NUP210: variants seen among roughly 807,000 people sequenced by gnomAD.
NUP210 encodes the protein nuclear pore membrane glycoprotein 210.
In NUP210, 151 loss-of-function variants were observed where a neutral mutation model predicts 196.0. The ratio of observed to expected loss-of-function variants is 0.77; its 90% CI spans 0.67 to 0.88. NUP210 has a LOEUF of 0.88. Ranked by LOEUF, NUP210 falls within the 40% of genes least tolerant of loss-of-function variation. The pLI, the probability that NUP210 is intolerant of heterozygous loss-of-function variation, is 0.00. For missense variants in NUP210, 2,314 were observed against 2,493.7 expected (o/e 0.93, Z 1.53); for synonymous variants, 1,070 against 1,052.7 (o/e 1.02, Z -0.32).
At chr3:13,373,899 C>T in intron 11 of NUP210, 26 bp from the exon 12 acceptor site, 1 of 1,609,860 alleles carries the variant, frequency 6.2e-7, no homozygotes, top group South Asian at 1.1e-5. Context: ...CATCACAGGA[C>T]CAGCCACCCA....
intron 28 of NUP210, among the ~76,000 whole-genome samples, chr3:13,334,967 G>A (rs1422149621): frequency 2.6e-5 from 4 of 152,156 alleles, no homozygotes; most frequent in African/African-American, 7.2e-5. Flanking sequence ...GACCCTCCCC[G>A]CCTCAGGGGC....
rs760022114 is a variant in NUP210, at chr3:13,341,845, A to T, written c.3131T>A (p.Phe1044Tyr). Residue 1044 changes from phenylalanine to tyrosine, a missense_variant, in exon 23 of 40, where the codon TTC becomes TAC. Transcript: ENST00000254508. ...DEALDNYTITFLIRGVAIGQT... is the reference protein window; with the variant it reads ...DEALDNYTITYLIRGVAIGQT... ...GCCGATGGCCACACCGCGGATGAGGAATGTGATGGTGTAGTTGTCAAGGGC... is the reference window on the plus strand; with the variant it reads ...GCCGATGGCCACACCGCGGATGAGGTATGTGATGGTGTAGTTGTCAAGGGC... 4 of 1,614,140 alleles carry T rather than the reference A, an allele frequency of 2.5e-6. No homozygotes were observed. In the South Asian group the frequency reaches 4.4e-5, roughly 18 times the overall value.
chr3:13,361,904 T>C (rs1382426777), intron 14 of NUP210, among the ~76,000 whole-genome samples: 2 of 152,124 alleles, frequency 1.3e-5, no homozygotes, highest in Non-Finnish European at 2.9e-5. Flanking sequence ...TCGAAGAGGC[T>C]ACCCTCCTGT....
intron 12 of NUP210, 54 bp downstream of exon 12, chr3:13,373,664 G>C (rs1576394983): frequency 1.0e-5 from 16 of 1,588,318 alleles, no homozygotes; most frequent in Non-Finnish European, 1.3e-5. Context: ...AGAGGGGGCG[G>C]CTGGAGACCA....
chr3:13,319,349 T>G, intron 37 of NUP210, 24 bp from the exon 38 acceptor site: 666 of 1,579,512 alleles, frequency 4.2e-4, no homozygotes, highest in Non-Finnish European at 5.1e-4. Flanking sequence ...GAAGATGAGT[T>G]ACCAAAACCA....
chr3:13,330,586 C>T lies in NUP210; in HGVS notation c.3984G>A (p.Lys1328=). 1.2e-6 allele frequency: 2 copies of T among 1,614,224 alleles called. No homozygotes were observed. The highest frequency in any genetic ancestry group is 1.7e-6 in the Non-Finnish European group (2 of 1,180,040). The part of the protein sequence containing the change: ...LSYRVLDGPE[K]VPVVHVDEKG... ...TCTCATCAACATGCACAACTGGAAC[C>T]TTTTCGGGTCCATCCAGGACGCGGT... The change falls in exon 30 of 40, where the codon AAG becomes AAA. Residue 1328 remains lysine (K), a synonymous_variant. Transcript: ENST00000254508.
At chr3:13,344,846 T>G in intron 20 of NUP210, 1 of 850,526 alleles carries the variant, frequency 1.2e-6, no homozygotes, top group Non-Finnish European at 1.4e-6. Context: ...CCTGGACTCT[T>G]TCCCCAGCCT....
At chr3:13,330,437 A>G in intron 30 of NUP210, 23 bp downstream of exon 30, 1 of 1,609,398 alleles carries the variant, frequency 6.2e-7, no homozygotes, top group East Asian at 2.2e-5. Context: ...ATTACTCCAA[A>G]AAGGAGGAGA....
At chr3:13,372,054 T>G in intron 12 of NUP210, 22 bp from the exon 13 acceptor site, 1 of 1,533,128 alleles carries the variant, frequency 6.5e-7, no homozygotes, top group Non-Finnish European at 8.8e-7. Context: ...GGGCATGGCC[T>G]GGGCTCAGCT....
Position 13,350,507 on chromosome 3 carries a change from C to T in NUP210, c.2835+1372G>A, listed in dbSNP as rs1697932735. 6.6e-6 allele frequency among the ~76,000 whole-genome samples: 1 copy of T among 151,502 alleles called. No homozygotes were observed. Among genetic ancestry groups the T allele is most frequent in the African/African-American group, 2.4e-5 (1 of 41,220 alleles). On this transcript the variant is annotated intron_variant, in intron 20 of 39. Transcript: ENST00000254508. The surrounding 1 kb of genome is among the most constrained non-coding windows in gnomAD (Gnocchi z 4.1). ...AACAAAACAAAACAGGAAAACATGA[C>T]CCGTACTCCAGAAAAAAGGCAGATG...
chr3:13,339,283 G>A (rs1697360315), intron 25 of NUP210, among the ~76,000 whole-genome samples: 1 of 152,152 alleles, frequency 6.6e-6, no homozygotes, highest in Non-Finnish European at 1.5e-5. Context: ...TGCTTCCAGG[G>A]GACCTAGTTC....
At position 13,399,835 on chromosome 3, in the gene NUP210, C is replaced by G; in HGVS notation, c.194G>C (p.Ser65Thr). The G allele has an allele frequency of 1.3e-5, 21 of 1,611,660 alleles. No individual in the cohort carries two copies. Among genetic ancestry groups the G allele is most frequent in the Non-Finnish European group, 1.8e-5 (21 of 1,178,856 alleles). The part of the protein sequence containing the change: ...RWLSTRPEVA[S>T]IEPLGLDEQQ... ...CTCGTCCAGGCCCAGCGGCTCGATG[C>G]TGGCCACCTCCGGCCGGGTGGACAA... Residue 65 changes from serine (S) to threonine (T), a missense_variant, in exon 2 of 40, where the codon AGC (serine) becomes ACC (threonine). Coordinates refer to ENST00000254508, the MANE Select transcript of NUP210 (RefSeq NM_024923.4).
At chr3:13,411,551 C>T (rs535772550) in intron 1 of NUP210, among the ~76,000 whole-genome samples, 4 of 152,188 alleles carry the variant, frequency 2.6e-5, no homozygotes, top group East Asian at 3.9e-4. Flanking sequence ...CTGTCCATCC[C>T]CCCTGTCACC....
At position 13,343,282 on chromosome 3, in the gene NUP210, A is replaced by T; in HGVS notation, c.2857T>A (p.Ser953Thr). The change falls in exon 21 of 40, where the codon TCA becomes ACA. Residue 953 changes from serine (S) to threonine (T), a missense_variant. Physicochemically the swap from Ser to Thr is moderately conservative, Grantham distance 58 (BLOSUM62 1). Transcript: ENST00000254508. The part of the protein sequence containing the change: ...VAMVHPLLPG[S>T]STIMIHDLCL... ...AAGTCATGGATCATGATGGTGGATGAGCCCGGGAGCAAAGGGTGCACCTGC... is the reference window on the plus strand; with the variant it reads ...AAGTCATGGATCATGATGGTGGATGTGCCCGGGAGCAAAGGGTGCACCTGC... The T allele has an allele frequency of 7.1e-7, 1 of 1,405,680 alleles. No individual in the cohort carries two copies. The highest frequency in any genetic ancestry group is 9.5e-7 in the Non-Finnish European group (1 of 1,052,126). The allele number at this position is 1,405,680 out of a possible 1,614,324, so 87.1% of individuals were successfully genotyped here. A position where few individuals can be genotyped will look rare whatever the true frequency, so the allele number is the denominator to read the frequency against.
rs1698319066 is a variant in NUP210, at chr3:13,360,135, C to T, written c.2154+135G>A. On this transcript the variant is annotated intron_variant, in intron 15 of 39. Coordinates refer to ENST00000254508, the MANE Select transcript of NUP210 (RefSeq NM_024923.4). ...TTCCACCTCACCACGCCTCAGTTTG[C>T]CTGTCTGTAAAATGGGTACAATAGG... 1.2e-5 allele frequency: 9 copies of T among 757,778 alleles called. No individual in the cohort carries two copies. The Admixed American group carries it at 1.9e-4, about 16-fold the overall frequency. 46.9% of individuals were successfully genotyped at this position (757,778 alleles called of 1,614,324 possible). A position where few individuals can be genotyped will look rare whatever the true frequency, so the allele number is the denominator to read the frequency against.
intron 36 of NUP210, among the ~76,000 whole-genome samples, chr3:13,320,802 G>A (rs771421655): frequency 1.3e-5 from 2 of 150,532 alleles, no homozygotes; most frequent in Non-Finnish European, 2.9e-5. Flanking sequence ...TGAGGTAGGA[G>A]AATGGCATGA....
Position 13,325,944 on chromosome 3 carries a change from C to T in NUP210, c.4508-13G>A. 2 of 1,613,288 alleles carry T rather than the reference C, an allele frequency of 1.2e-6. No homozygotes were observed. The highest frequency in any genetic ancestry group is 2.2e-5 in the South Asian group (2 of 91,066). On this transcript the variant is annotated splice_polypyrimidine_tract_variant and intron_variant, in intron 32 of 39. Coordinates refer to ENST00000254508, the MANE Select transcript of NUP210 (RefSeq NM_024923.4). Reference sequence around the variant, plus strand: ...GTTCCTGAGAGGCCTGGAGAGGAAGCACAGGTGTCAGCCCCCTTTCCATAG... The same window carrying T: ...GTTCCTGAGAGGCCTGGAGAGGAAGTACAGGTGTCAGCCCCCTTTCCATAG...
At position 13,322,308 on chromosome 3, in the gene NUP210, G is replaced by C; in HGVS notation, c.4800C>G (p.Ile1600Met). 6.2e-7 allele frequency: 1 copy of C among 1,614,240 alleles called. No homozygotes were observed. ...TGAGGGTCTCTGGGTGCAAGGCCTG[G>C]ATGACTTCCCTCTGGGTGGGGGTGC... Reference protein sequence around the residue: ...GECTPTQREVIQALHPETLIS... With the variant: ...GECTPTQREVMQALHPETLIS... Residue 1600 changes from isoleucine (I) to methionine (M), a missense_variant, in exon 35 of 40, where the codon ATC becomes ATG. Ile to Met is a conservative substitution (Grantham distance 10). Coordinates refer to ENST00000254508, the MANE Select transcript of NUP210 (RefSeq NM_024923.4).
chr3:13,360,147 A>G, intron 15 of NUP210, 123 bp downstream of exon 15: 2 of 814,402 alleles, frequency 2.5e-6, no homozygotes, highest in Non-Finnish European at 3.9e-6. Flanking sequence ...TGTCTGTAAA[A>G]TGGGTACAAT....
Sources: gnomAD v4.1 joint callset for allele counts (sites outside exome capture counted in the v4.1 genomes callset) on GRCh38, gnomAD v4.1.1 for gene constraint, Gnocchi (gnomAD v3.1) non-coding constraint, MANE v1.5 for transcripts, NCBI Gene and HGNC (gene_info 2026-07-23, HGNC 2026-07-21) for gene names.